The following NCEH1 variants were observed in gnomAD, a reference collection of about 807,000 sequenced individuals.
NCEH1 encodes the protein neutral cholesterol ester hydrolase 1.
Under a neutral mutation model 25.4 loss-of-function variants are expected in NCEH1, and 9 were observed. The ratio of observed to expected loss-of-function variants is 0.35; its 90% confidence interval spans 0.21 to 0.62. NCEH1 has a LOEUF of 0.62. Ranked by LOEUF, NCEH1 falls within the 20% of genes least tolerant of loss-of-function variation. The pLI is 0.72. For synonymous variants in NCEH1, 200 were observed against 199.8 expected (o/e 1.00, Z -0.01); for missense variants, 412 against 501.1 (o/e 0.82, Z 1.70).
chr3:172,683,211 AG>A (rs1553837111), intron 1 of NCEH1, among the ~76,000 whole-genome samples: 30 of 125,180 alleles, frequency 2.4e-4, no homozygotes, highest in Middle Eastern at 3.6e-3. Context: ...AGACCATCCC[AG>A]CTAAAACGGT....
chr3:172,633,875 A>G lies in NCEH1; in HGVS notation c.827T>C (p.Val276Ala), dbSNP rs753442102. The G allele has an allele frequency of 3.1e-6, 5 of 1,614,120 alleles. No individual in the cohort carries two copies. Among genetic ancestry groups the G allele is most frequent in the Non-Finnish European group, 3.4e-6 (4 of 1,180,050 alleles). The change falls in exon 5 of 5, where the codon GTG becomes GCG. Residue 276 changes from valine to alanine, a missense_variant. Coordinates refer to ENST00000475381, the MANE Select transcript of NCEH1 (RefSeq NM_020792.6). The part of the protein sequence containing the change: ...MIVNNHTSLD[V>A]EEAAAVRARL... The stretch of plus-strand genomic sequence containing the variant: ...GGCCCTGACAGCAGCAGCCTCTTCC[A>G]CATCAAGTGAAGTGTGATTGTTAAC...
At chr3:172,675,085 G>A (rs923382144) in intron 1 of NCEH1, among the ~76,000 whole-genome samples, 5 of 152,084 alleles carry the variant, frequency 3.3e-5, no homozygotes, top group African/African-American at 9.7e-5. Flanking sequence ...CGAGGCGGGC[G>A]GATCACTTGA....
chr3:172,635,215 G>A (rs1266375877), intron 4 of NCEH1, among the ~76,000 whole-genome samples: 1 of 152,168 alleles, frequency 6.6e-6, no homozygotes, highest in Non-Finnish European at 1.5e-5. Context: ...TCAAGTTCTT[G>A]AATTATAGCA....
intron 1 of NCEH1, among the ~76,000 whole-genome samples, chr3:172,699,277 G>A (rs1403449371): frequency 1.3e-5 from 2 of 152,172 alleles, no homozygotes; most frequent in South Asian, 2.1e-4. Context: ...GCAGATTCAC[G>A]AGCTGAACTG....
chr3:172,648,252 C>CA, intron 1 of NCEH1, 138 bp from the exon 2 acceptor site: 1 of 962,616 alleles, frequency 1.0e-6, no homozygotes, highest in South Asian at 1.7e-5. Context: ...CCTTTTAATA[C>CA]AAAAACCAAT....
intron 1 of NCEH1, among the ~76,000 whole-genome samples, chr3:172,683,700 A>ACAAC (rs1483225187): frequency 6.6e-6 from 1 of 152,184 alleles, no homozygotes; most frequent in East Asian, 1.9e-4. Flanking sequence ...AAAGTAGTTA[A>ACAAC]GGATCAATCA....
intron 1 of NCEH1, among the ~76,000 whole-genome samples, chr3:172,681,491 A>T (rs1180224727): frequency 6.6e-6 from 1 of 152,088 alleles, no homozygotes; most frequent in Non-Finnish European, 1.5e-5. Context: ...TTCTGTGAGG[A>T]TTGCAAATTG....
At chr3:172,695,348 A>C (rs1355252907) in intron 1 of NCEH1, among the ~76,000 whole-genome samples, 1 of 152,234 alleles carries the variant, frequency 6.6e-6, no homozygotes, top group African/African-American at 2.4e-5. Flanking sequence ...CCTACAGCCT[A>C]AGGAACTCTT....
intron 1 of NCEH1, among the ~76,000 whole-genome samples, chr3:172,700,760 C>T (rs1417703876): frequency 2.0e-5 from 3 of 151,994 alleles, no homozygotes; most frequent in Non-Finnish European, 2.9e-5. Flanking sequence ...TGTGAGCCAC[C>T]GTGCCTGGCC....
chr3:172,675,331 A>AATTAATT (rs1553835617), intron 1 of NCEH1, among the ~76,000 whole-genome samples: 7 of 150,374 alleles, frequency 4.7e-5, no homozygotes, highest in East Asian at 1.9e-4. Context: ...ATAAATAAAT[A>AATTAATT]AATAAATAAA....
Position 172,630,685 on chromosome 3 carries a change from A to T in NCEH1, c.*2790T>A, listed in dbSNP as rs949281751. ...AGATGGAGCAATTTTATTTCCAAACATGATTCAGAATAGATAGATGCTTTG... is the reference window on the plus strand; with the variant it reads ...AGATGGAGCAATTTTATTTCCAAACTTGATTCAGAATAGATAGATGCTTTG... On this transcript the variant is annotated 3_prime_UTR_variant, in exon 5 of 5. Coordinates refer to ENST00000475381, the MANE Select transcript of NCEH1 (RefSeq NM_020792.6). 1 of 152,254 alleles carries T rather than the reference A, an allele frequency of 6.6e-6. No homozygotes were observed. The highest frequency in any genetic ancestry group is 6.5e-5 in the Admixed American group (1 of 15,286). 9.4% of individuals were successfully genotyped at this position (152,254 alleles called of 1,614,324 possible).
intron 3 of NCEH1, among the ~76,000 whole-genome samples, chr3:172,642,055 A>T (rs1360456840): frequency 6.6e-6 from 1 of 152,206 alleles, no homozygotes; most frequent in Non-Finnish European, 1.5e-5. Context: ...TTATGTCACC[A>T]GCATTTAACA....
chr3:172,691,054 C>T (rs1713005384), intron 1 of NCEH1, among the ~76,000 whole-genome samples: 1 of 152,192 alleles, frequency 6.6e-6, no homozygotes, highest in Admixed American at 6.5e-5. Context: ...CCTTTACCTA[C>T]TCATATTCCT....
rs10701435 is a variant in NCEH1 at position 172,701,449 on chromosome 3, C to CTTTTT, written c.138+9393_138+9397dup. Among the ~76,000 whole-genome samples, 426 of 110,922 alleles carry CTTTTT rather than the reference C, an allele frequency of 3.8e-3. 16 individuals carry two copies. The highest frequency in any genetic ancestry group is 0.014 in the African/African-American group (334 of 24,198). The allele number at this position is 110,922 out of a possible 152,430, so 72.8% of individuals were successfully genotyped here. A position where few individuals can be genotyped will look rare whatever the true frequency, so the allele number is the denominator to read the frequency against. On this transcript the variant is annotated intron_variant, in intron 1 of 4. Transcript: ENST00000475381. ...TAGTGCTTCCTAGATGGTCTTTTGCCTTTTTTTTTTTTTTTTTAAAGACGG... is the reference window on the plus strand; with the variant it reads ...TAGTGCTTCCTAGATGGTCTTTTGCCTTTTTTTTTTTTTTTTTTTTTTAAAGACGG...
At chr3:172,687,929 C>T (rs1336677459) in intron 1 of NCEH1, among the ~76,000 whole-genome samples, 7 of 152,106 alleles carry the variant, frequency 4.6e-5, no homozygotes, top group Admixed American at 6.6e-5. Context: ...TAGCCCCTAA[C>T]CTGGACAACA....
In NCEH1 at chr3:172,672,979, A is replaced by C. The variant is rs560426604; in HGVS notation, c.139-24865T>G. 3.6e-3 allele frequency among the ~76,000 whole-genome samples: 547 copies of C among 152,326 alleles called. 2 individuals are homozygous for C. Among genetic ancestry groups the C allele is most frequent in the African/African-American group, 0.013 (526 of 41,578 alleles). ...ACAGGACTGATGGGTCCTGGGGCCC[A>C]AACCTCAGCTCCAGCAGCTCAAACT... On this transcript the variant is annotated intron_variant, in intron 1 of 4. Transcript: ENST00000475381.
intron 3 of NCEH1, among the ~76,000 whole-genome samples, chr3:172,636,663 AAAGGGAAGCT>A (rs879566545): frequency 6.6e-6 from 1 of 152,196 alleles, no homozygotes; most frequent in Non-Finnish European, 1.5e-5. Context: ...TTAACTCACA[AAAGGGAAGCT>A]AAGTTTTCCA....
intron 3 of NCEH1, among the ~76,000 whole-genome samples, chr3:172,640,496 A>AT (rs1716800035): frequency 6.6e-6 from 1 of 151,180 alleles, no homozygotes; most frequent in African/African-American, 2.4e-5. Flanking sequence ...TGCCCCCTTT[A>AT]TTTATTTATT....
intron 1 of NCEH1, among the ~76,000 whole-genome samples, chr3:172,674,252 C>A (rs1436378639): frequency 1.3e-5 from 2 of 152,040 alleles, no homozygotes; most frequent in East Asian, 3.8e-4. Context: ...CCAGCCTGGC[C>A]AACATGGTGA....
Sources: allele counts gnomAD v4.1 joint callset (sites outside exome capture counted in the v4.1 genomes callset), GRCh38; gene constraint gnomAD v4.1.1; transcripts MANE v1.5; gene names NCBI Gene and HGNC (gene_info 2026-07-23, HGNC 2026-07-21).